ZNF331: variants seen among roughly 807,000 people sequenced by gnomAD.
ZNF331 encodes C2H2-like zinc finger protein rearranged in thyroid adenomas.
In ZNF331, 2 loss-of-function variants were observed where a neutral mutation model predicts 7.0. That is an observed-to-expected ratio of 0.29 (90% confidence interval 0.12 to 0.90). ZNF331 has a LOEUF of 0.90. Ranked by LOEUF, ZNF331 falls within the 40% of genes least tolerant of loss-of-function variation. ZNF331 has a pLI of 0.58. For synonymous variants in ZNF331, 196 were observed against 205.4 expected (o/e 0.95, Z 0.39); for missense variants, 432 against 587.7 (o/e 0.74, Z 2.74).
At chr19:53,513,306 A>G in the ZNF331 span, among the ~76,000 whole-genome samples, 2 of 151,688 alleles carry the variant, frequency 1.3e-5, no homozygotes, top group Non-Finnish European at 2.9e-5. Flanking sequence ...GGAAATACCC[A>G]TTTCCTTCAG....
the ZNF331 span, among the ~76,000 whole-genome samples, chr19:53,508,214 A>C: frequency 6.6e-6 from 1 of 152,084 alleles, no homozygotes; most frequent in Admixed American, 6.6e-5. Context: ...TTCTTGGTGA[A>C]AGTTGATCTG....
At chr19:53,518,431 G>A (rs1483578098), upstream of ZNF331, among the ~76,000 whole-genome samples, 1 of 151,948 alleles carries the variant, frequency 6.6e-6, no homozygotes, top group South Asian at 2.1e-4. Context: ...CATGGGACTG[G>A]GCCTTGTGAT....
At position 53,579,922 on chromosome 19, in the gene ZNF331, G is replaced by C. The variant is rs1457428127; in HGVS notation, c.*1970G>C. On this transcript the variant is annotated 3_prime_UTR_variant, in exon 6 of 6. Coordinates refer to ENST00000449416, the MANE Select transcript of ZNF331 (RefSeq NM_001079906.2). ...AAGTTGAAAAAAAAATCAATTTAAA[G>C]GGGAGAAAACTTCAGCACGTCTCAA... The C allele has an allele frequency of 9.8e-6, 2 of 204,776 alleles. No homozygotes were observed. The highest frequency in any genetic ancestry group is 2.0e-5 in the Non-Finnish European group (2 of 100,154). The allele number at this position is 204,776 out of a possible 1,614,324, so 12.7% of individuals were successfully genotyped here. A position where few individuals can be genotyped will look rare whatever the true frequency, so the allele number is the denominator to read the frequency against.
chr19:53,554,610 A>G (rs1427657685), intron 2 of ZNF331: 2 of 152,268 alleles, frequency 1.3e-5, no homozygotes, highest in Non-Finnish European at 2.9e-5. Flanking sequence ...GGTGCACGCA[A>G]GCGTCATTGG....
chr19:53,523,406 A>G (rs2087166597), intron 2 of ZNF331: 1 of 151,616 alleles, frequency 6.6e-6, no homozygotes, highest in Admixed American at 6.6e-5. Context: ...TTTAGTAGAG[A>G]CGGGGTTTCA....
rs1334940591 is a variant in ZNF331, at chr19:53,558,784, C to G, written c.-74+2876C>G. On this transcript the variant is annotated intron_variant, in intron 3 of 5. Transcript: ENST00000449416. This position sits in a 1 kb window ranked among gnomAD's most constrained non-coding sequence, Gnocchi z 4.5. ...GGAATTATGAGCCAGGAACCATGGA[C>G]AAGAACATACAGACACACTCATACC... Among the ~76,000 whole-genome samples the G allele has an allele frequency of 6.6e-6, 1 of 151,712 alleles. No homozygotes were observed. Among genetic ancestry groups the G allele is most frequent in the Non-Finnish European group, 1.5e-5 (1 of 67,914 alleles).
intron 2 of ZNF331, among the ~76,000 whole-genome samples, chr19:53,544,554 A>G (rs2088461649): frequency 6.7e-6 from 1 of 149,642 alleles, no homozygotes; most frequent in African/African-American, 2.5e-5. Context: ...CAAAAAAAAA[A>G]AAAAAGAATC....
At chr19:53,524,686 T>A (rs1242073994) in intron 2 of ZNF331, among the ~76,000 whole-genome samples, 1 of 152,226 alleles carries the variant, frequency 6.6e-6, no homozygotes, top group Non-Finnish European at 1.5e-5. Context: ...ATAGGTAGAT[T>A]GCAAAAATTT....
chr19:53,534,739 A>G (rs1332595894), upstream of ZNF331, among the ~76,000 whole-genome samples: 1 of 152,144 alleles, frequency 6.6e-6, no homozygotes, highest in Non-Finnish European at 1.5e-5. Flanking sequence ...CACCTAGATA[A>G]TTCAGGGTAA....
chr19:53,560,219 C>A lies in ZNF331; in HGVS notation c.-74+4311C>A, dbSNP rs986537767. ...TATACACACACCATATATATACACA[C>A]ATATATACACATCCACACCATATAT... On this transcript the variant is annotated intron_variant, in intron 3 of 5. Coordinates refer to ENST00000449416, the MANE Select transcript of ZNF331 (RefSeq NM_001079906.2). This position sits in a 1 kb window ranked among gnomAD's most constrained non-coding sequence, Gnocchi z 4.3. Among the ~76,000 whole-genome samples the A allele has an allele frequency of 2.7e-5, 4 of 148,218 alleles. No individual in the cohort carries two copies. The highest frequency in any genetic ancestry group is 2.2e-4 in the South Asian group (1 of 4,596).
chr19:53,537,849 A>C (rs1489094500), upstream of ZNF331: 1 of 152,304 alleles, frequency 6.6e-6, no homozygotes, highest in Non-Finnish European at 1.5e-5. Context: ...GCATCTGTGC[A>C]GGCGCACGTG....
At chr19:53,559,120 CAT>C (rs1223125121) in intron 3 of ZNF331, among the ~76,000 whole-genome samples, 1 of 131,092 alleles carries the variant, frequency 7.6e-6, no homozygotes, top group Non-Finnish European at 1.7e-5. Context: ...ACACACCATA[CAT>C]ACACACACAC....
chr19:53,566,778 G>A (rs2090176405), intron 3 of ZNF331, among the ~76,000 whole-genome samples: 1 of 152,150 alleles, frequency 6.6e-6, no homozygotes, highest in South Asian at 2.1e-4. Context: ...TTCCAGTTCA[G>A]TGTGTTAACT....
chr19:53,505,916 C>T, the ZNF331 span, among the ~76,000 whole-genome samples: 2 of 151,410 alleles, frequency 1.3e-5, no homozygotes, highest in African/African-American at 2.4e-5. Flanking sequence ...ACATGGGAGG[C>T]GGAGGTCGCA....
chr19:53,513,660 T>A, the ZNF331 span, among the ~76,000 whole-genome samples: 1 of 152,198 alleles, frequency 6.6e-6, no homozygotes, highest in East Asian at 1.9e-4. Context: ...TCGTTGTTGT[T>A]GTTGTTTTTG....
chr19:53,531,853 A>G lies in ZNF331; in HGVS notation c.-204-7363A>G, dbSNP rs10426001. On this transcript the variant is annotated intron_variant, in intron 2 of 6. Coordinates refer to the ZNF331 transcript ENST00000253144. ...TCTGGATCTAGGACAGAGTTGGCAA[A>G]TTTTTTTCTGTAAAACGTTCAGCAG... is the stretch of plus-strand genomic sequence containing the variant. 3.4e-4 allele frequency among the ~76,000 whole-genome samples: 52 copies of G among 152,156 alleles called. No homozygotes were observed. The East Asian group carries it at 0.01, about 29-fold the overall frequency.
chr19:53,538,647 G>A (rs1029367348), intron 1 of ZNF331: 7 of 153,434 alleles, frequency 4.6e-5, no homozygotes, highest in African/African-American at 1.2e-4. Context: ...GACAGAGTGA[G>A]CTGTGGTGAG....
chr19:53,555,072 G>A (rs1438013244), intron 2 of ZNF331, among the ~76,000 whole-genome samples: 1 of 152,190 alleles, frequency 6.6e-6, no homozygotes, highest in Non-Finnish European at 1.5e-5. Flanking sequence ...CATCAGTGCA[G>A]GCTTGTGCTG....
intron 4 of ZNF331, among the ~76,000 whole-genome samples, chr19:53,570,154 G>C (rs2090366382): frequency 6.6e-6 from 1 of 151,614 alleles, no homozygotes; most frequent in African/African-American, 2.4e-5. Context: ...TACTTGGTAG[G>C]CTGAGGCAGG....
Sources: allele counts gnomAD v4.1 joint callset (sites outside exome capture counted in the v4.1 genomes callset), GRCh38; gene constraint gnomAD v4.1.1; non-coding constraint Gnocchi (gnomAD v3.1); transcripts MANE v1.5; gene names NCBI Gene and HGNC (gene_info 2026-07-23, HGNC 2026-07-21).